MACROD2: variants seen among roughly 807,000 people sequenced by gnomAD.
The protein encoded by MACROD2 is ADP-ribose glycohydrolase MACROD2.
Under a neutral mutation model 70.4 loss-of-function variants are expected in MACROD2, and 36 were observed. That is an observed-to-expected ratio of 0.51 (90% CI 0.39 to 0.68). MACROD2 has a LOEUF of 0.68. Ranked by LOEUF, MACROD2 falls within the 30% of genes least tolerant of loss-of-function variation. The pLI is 0.00. For synonymous variants in MACROD2, 172 were observed against 178.8 expected (o/e 0.96, Z 0.30); for missense variants, 496 against 538.4 (o/e 0.92, Z 0.78).
At chr20:15,510,565 A>G (rs1290636818) in intron 8 of MACROD2, among the ~76,000 whole-genome samples, 5 of 152,222 alleles carry the variant, frequency 3.3e-5, no homozygotes, top group Admixed American at 6.5e-5. Context: ...AGCTGTGACC[A>G]GAGCTGAACC....
intron 8 of MACROD2, among the ~76,000 whole-genome samples, chr20:15,813,214 T>C (rs867400842): frequency 2.6e-5 from 4 of 152,180 alleles, no homozygotes; most frequent in African/African-American, 7.2e-5. Flanking sequence ...CTCAAAACCA[T>C]TGGACATTTC....
At chr20:14,472,002 C>G (rs1407562798) in intron 3 of MACROD2, among the ~76,000 whole-genome samples, 2 of 152,178 alleles carry the variant, frequency 1.3e-5, no homozygotes, top group African/African-American at 4.8e-5. Flanking sequence ...AAGGAGACAA[C>G]TGTTGGTCTG....
At chr20:15,858,119 G>A (rs1466589864) in intron 8 of MACROD2, among the ~76,000 whole-genome samples, 1 of 150,396 alleles carries the variant, frequency 6.6e-6, no homozygotes, top group Non-Finnish European at 1.5e-5. Flanking sequence ...TGGGCCTTGG[G>A]AAAAAAAAAA....
At chr20:15,541,475 AG>A (rs2146567957) in intron 8 of MACROD2, among the ~76,000 whole-genome samples, 1 of 152,302 alleles carries the variant, frequency 6.6e-6, no homozygotes, top group South Asian at 2.1e-4. Flanking sequence ...ACAGGCAAGC[AG>A]GCCAAACGTG....
intron 5 of MACROD2, among the ~76,000 whole-genome samples, chr20:15,071,574 C>T (rs1212993262): frequency 6.6e-6 from 1 of 152,058 alleles, no homozygotes; most frequent in African/African-American, 2.4e-5. Flanking sequence ...TACTTTTTGC[C>T]TATATGCATA....
At chr20:14,419,030 A>G (rs573317152) in intron 3 of MACROD2, among the ~76,000 whole-genome samples, 1 of 152,146 alleles carries the variant, frequency 6.6e-6, no homozygotes, top group African/African-American at 2.4e-5. Flanking sequence ...CTTACTACTC[A>G]AGACAGTCTT....
At chr20:15,414,822 T>G (rs928251756) in intron 6 of MACROD2, among the ~76,000 whole-genome samples, 3 of 152,212 alleles carry the variant, frequency 2.0e-5, no homozygotes, top group Non-Finnish European at 4.4e-5. Context: ...TCTAAATATG[T>G]CCACAGATCA....
intron 5 of MACROD2, among the ~76,000 whole-genome samples, chr20:15,153,683 G>A (rs1396169596): frequency 6.6e-6 from 1 of 152,190 alleles, no homozygotes; most frequent in Admixed American, 6.5e-5. Context: ...TTCCAATTAT[G>A]TGAAGCCTTA....
intron 4 of MACROD2, among the ~76,000 whole-genome samples, chr20:14,668,007 G>C (rs1317268963): frequency 6.6e-6 from 1 of 151,984 alleles, no homozygotes; most frequent in African/African-American, 2.4e-5. Context: ...TATTTGCTGG[G>C]CATCATGGTG....
At chr20:14,713,898 C>T (rs1053591290) in intron 5 of MACROD2, among the ~76,000 whole-genome samples, 14 of 152,144 alleles carry the variant, frequency 9.2e-5, no homozygotes, top group African/African-American at 2.6e-4. Context: ...TTAATGGAAG[C>T]GGTTTAAGCT....
intron 4 of MACROD2, among the ~76,000 whole-genome samples, chr20:14,591,037 A>G (rs766429222): frequency 1.2e-4 from 19 of 152,172 alleles, no homozygotes; most frequent in Non-Finnish European, 1.0e-4. Context: ...GTATTTTTCT[A>G]CCATAGCAGT....
chr20:15,100,462 A>G (rs371401894), intron 5 of MACROD2, among the ~76,000 whole-genome samples: 14 of 152,176 alleles, frequency 9.2e-5, no homozygotes, highest in East Asian at 5.8e-4. Context: ...CAAATTATAC[A>G]AGAAACTGGA....
chr20:15,201,729 C>A (rs959856126), intron 5 of MACROD2, among the ~76,000 whole-genome samples: 2 of 152,200 alleles, frequency 1.3e-5, no homozygotes, highest in African/African-American at 4.8e-5. Context: ...TAAGTCCTCC[C>A]TCCACTCTGA....
rs192958386 is a variant in MACROD2 at position 15,679,112 on chromosome 20, C to G, written c.645+179265C>G. ...ATTAGCTGGGTGTAGTGGCACATGT[C>G]TATAGTCCTGGCTGCTTGGGAGGCT... On this transcript the variant is annotated intron_variant, in intron 8 of 17. Coordinates refer to ENST00000684519, the MANE Select transcript of MACROD2 (RefSeq NM_001351661.2). Among the ~76,000 whole-genome samples, 14 of 151,914 alleles carry G rather than the reference C, an allele frequency of 9.2e-5. No homozygotes were observed. In the East Asian group the frequency reaches 2.7e-3, roughly 30 times the overall value.
intron 5 of MACROD2, among the ~76,000 whole-genome samples, chr20:14,687,503 T>G (rs1273329730): frequency 6.6e-6 from 1 of 152,202 alleles, no homozygotes; most frequent in Non-Finnish European, 1.5e-5. Flanking sequence ...TCAATACCAG[T>G]GCTTGAAGAA....
chr20:14,231,910 ATGT>A (rs2081817170), intron 3 of MACROD2, among the ~76,000 whole-genome samples: 1 of 152,006 alleles, frequency 6.6e-6, no homozygotes, highest in South Asian at 2.1e-4. Context: ...GCATTTTTTC[ATGT>A]GTCTTTTGGC....
chr20:14,515,609 A>G (rs2085088508), intron 4 of MACROD2, among the ~76,000 whole-genome samples: 1 of 152,092 alleles, frequency 6.6e-6, no homozygotes. Context: ...CAGGCACAGA[A>G]AGACAAATAC....
intron 4 of MACROD2, among the ~76,000 whole-genome samples, chr20:14,650,519 A>C (rs1197926794): frequency 6.6e-6 from 1 of 152,212 alleles, no homozygotes; most frequent in African/African-American, 2.4e-5. Flanking sequence ...TGGAGGTTAG[A>C]GTTCCACTGT....
chr20:14,887,197 G>A (rs907432157), intron 5 of MACROD2, among the ~76,000 whole-genome samples: 1 of 152,054 alleles, frequency 6.6e-6, no homozygotes, highest in Admixed American at 6.5e-5. Context: ...GTATTTATCA[G>A]TGTGGACTCT....
Sources: gnomAD v4.1 joint callset for allele counts (sites outside exome capture counted in the v4.1 genomes callset) on GRCh38, gnomAD v4.1.1 for gene constraint, MANE v1.5 for transcripts, NCBI Gene and HGNC (gene_info 2026-07-23, HGNC 2026-07-21) for gene names.